The following GALT variants were observed in gnomAD, a reference collection of about 807,000 sequenced individuals.
GALT encodes galactose-1-phosphate uridylyltransferase.
In GALT, 42 loss-of-function variants were observed where a neutral mutation model predicts 55.4. The ratio of observed to expected loss-of-function variants is 0.76; its 90% CI spans 0.59 to 0.98. The LOEUF is 0.98. Among genes scored for constraint, GALT ranks in the 50% least tolerant of loss-of-function variants. GALT has a pLI of 0.00. For missense variants in GALT, 407 were observed against 495.7 expected (o/e 0.82, Z 1.70); for synonymous variants, 154 against 181.5 (o/e 0.85, Z 1.22).
Position 34,647,844 on chromosome 9 carries a change from C to T in GALT, c.390C>T (p.Cys130=), listed in dbSNP as rs1410761611. The change falls in exon 5 of 11, where the codon TGC becomes TGT. Residue 130 remains cysteine, a synonymous_variant. Transcript: ENST00000378842. This position sits in a 1 kb window ranked among gnomAD's most constrained non-coding sequence, Gnocchi z 5.6. ...KSARGVCKVM[C]FHPWSDVTLP... Reference sequence around the variant, plus strand: ...CGTCACCACCCAGTAAGGTCATGTGCTTCCACCCCTGGTCGGATGTAACGC... The same window carrying T: ...CGTCACCACCCAGTAAGGTCATGTGTTTCCACCCCTGGTCGGATGTAACGC... 3.3e-5 allele frequency: 54 copies of T among 1,614,096 alleles called. No individual in the cohort carries two copies. The East Asian group carries it at 1.1e-3, about 34-fold the overall frequency.
intron 10 of GALT, 123 bp downstream of exon 10, chr9:34,649,687 G>T: frequency 8.3e-7 from 1 of 1,204,860 alleles, no homozygotes; most frequent in East Asian, 2.4e-5. Flanking sequence ...CTGGCAGGAA[G>T]GGACTGCCAA....
chr9:34,647,638 T>C lies in GALT; in HGVS notation c.329-19T>C, dbSNP rs886042082. 2 of 1,613,800 alleles carry C rather than the reference T, an allele frequency of 1.2e-6. No homozygotes were observed. The highest frequency in any genetic ancestry group is 1.7e-6 in the Non-Finnish European group (2 of 1,179,970). ...CTTGAGGGACTTCTGCTGCAGAGAG[T>C]GATACTCCTTTACCTCAGGACCCAG... On this transcript the variant is annotated intron_variant, in intron 3 of 10. Transcript: ENST00000378842. The surrounding 1 kb of genome is among the most constrained non-coding windows in gnomAD (Gnocchi z 5.6).
At chr9:34,649,674 G>A in intron 10 of GALT, 110 bp downstream of exon 10, 1 of 1,352,412 alleles carries the variant, frequency 7.4e-7, no homozygotes, top group Non-Finnish European at 1.0e-6. Flanking sequence ...GCAGAAAACA[G>A]CTCTGGCAGG....
chr9:34,650,357 T>C lies in GALT; in HGVS notation c.1060-12T>C. ...CCTTATCCTCCTTAATTGCTCCCTG[T>C]CCCTTTTCCAGGCTGCAGAGAGACT... On this transcript the variant is annotated splice_polypyrimidine_tract_variant and intron_variant, in intron 10 of 10. Transcript: ENST00000378842. 3.1e-6 allele frequency: 5 copies of C among 1,610,556 alleles called. No individual in the cohort carries two copies. The highest frequency in any genetic ancestry group is 4.2e-6 in the Non-Finnish European group (5 of 1,177,272).
chr9:34,648,969 C>G lies in GALT; in HGVS notation c.821-29C>G. The G allele has an allele frequency of 6.2e-7, 1 of 1,614,002 alleles. No individual in the cohort carries two copies. The highest frequency in any genetic ancestry group is 8.5e-7 in the Non-Finnish European group (1 of 1,179,910). Reference sequence around the variant, plus strand: ...TCCCAGTAGGGTCAGCATCTGGACCCCAGGCTGAGAGTCAGGCTCTGATTC... The same window carrying G: ...TCCCAGTAGGGTCAGCATCTGGACCGCAGGCTGAGAGTCAGGCTCTGATTC... On this transcript the variant is annotated intron_variant, in intron 8 of 10. Coordinates refer to ENST00000378842, the MANE Select transcript of GALT (RefSeq NM_000155.4). This position sits in a 1 kb window ranked among gnomAD's most constrained non-coding sequence, Gnocchi z 4.9.
At position 34,648,061 on chromosome 9, in the gene GALT, G is replaced by A; in HGVS notation, c.508-54G>A. On this transcript the variant is annotated intron_variant, in intron 5 of 10. Transcript: ENST00000378842. The surrounding 1 kb of genome is among the most constrained non-coding windows in gnomAD (Gnocchi z 4.9). ...CTGTTTCCACAGGGTGTGGTCAGGA[G>A]GGAGTTGACTTGGTGTCTTTTGGCT... 1.2e-6 allele frequency: 2 copies of A among 1,614,172 alleles called. No individual in the cohort carries two copies. Among genetic ancestry groups the A allele is most frequent in the Non-Finnish European group, 1.7e-6 (2 of 1,180,020 alleles).
chr9:34,647,049 T>C lies in GALT; in HGVS notation c.83-40T>C. ...GGGTGAGACCCAGGAGAGAGGGAGCTAGAGAGCTCTGAGGACTGATCTTGA... is the reference window on the plus strand; with the variant it reads ...GGGTGAGACCCAGGAGAGAGGGAGCCAGAGAGCTCTGAGGACTGATCTTGA... On this transcript the variant is annotated intron_variant, in intron 1 of 10. Coordinates refer to ENST00000378842, the MANE Select transcript of GALT (RefSeq NM_000155.4). This position sits in a 1 kb window ranked among gnomAD's most constrained non-coding sequence, Gnocchi z 5.6. The C allele has an allele frequency of 6.2e-7, 1 of 1,613,844 alleles. No homozygotes were observed. Among genetic ancestry groups the C allele is most frequent in the Non-Finnish European group, 8.5e-7 (1 of 1,179,930 alleles).
In GALT at chr9:34,651,014, C is replaced by T. The variant is rs1183167878; in HGVS notation, c.*565C>T. 1 of 158,952 alleles carries T rather than the reference C, an allele frequency of 6.3e-6. No individual in the cohort carries two copies. The highest frequency in any genetic ancestry group is 1.8e-4 in the East Asian group (1 of 5,430). The allele number at this position is 158,952 out of a possible 1,614,324, so 9.8% of individuals were successfully genotyped here. A position where few individuals can be genotyped will look rare whatever the true frequency, so the allele number is the denominator to read the frequency against. ...TGAGTGGCTGCAGCTTGGCTCTGCT[C>T]CAGCCCACAGGGGCTAAAGGGGCGG... On this transcript the variant is annotated 3_prime_UTR_variant, in exon 11 of 11. Transcript: ENST00000378842. The surrounding 1 kb of genome is among the most constrained non-coding windows in gnomAD (Gnocchi z 4.3).
rs111033740 is a variant in GALT, at chr9:34,648,380, G to C, written c.611G>C (p.Arg204Pro). Residue 204 changes from arginine to proline, a missense_variant, in exon 7 of 11, where the codon CGA becomes CCA. Physicochemically the swap from Arg to Pro is moderately radical, Grantham distance 103 (BLOSUM62 -2). Coordinates refer to ENST00000378842, the MANE Select transcript of GALT (RefSeq NM_000155.4). The surrounding 1 kb of genome is among the most constrained non-coding windows in gnomAD (Gnocchi z 4.9). ...CCAGATATTGCCCAGCGTGAGGAGC[G>C]ATCTCAGCAGGCCTATAAGAGTCAG... ...FLPDIAQREE[R>P]SQQAYKSQHG... 6.2e-7 allele frequency: 1 copy of C among 1,614,178 alleles called. No individual in the cohort carries two copies. Among genetic ancestry groups the C allele is most frequent in the Non-Finnish European group, 8.5e-7 (1 of 1,180,040 alleles).
At chr9:34,649,302 T>C in intron 9 of GALT, 108 bp from the exon 10 acceptor site, 1 of 1,462,982 alleles carries the variant, frequency 6.8e-7, no homozygotes, top group Non-Finnish European at 9.5e-7. Context: ...AAGCAGGGGA[T>C]CCTGGGAGAT....
At chr9:34,650,173 C>T (rs1821218764) in intron 10 of GALT, 196 bp from the exon 11 acceptor site, 1 of 590,898 alleles carries the variant, frequency 1.7e-6, no homozygotes, top group African/African-American at 1.9e-5. Flanking sequence ...GTCCCAGATA[C>T]TTGGGAGGCT....
intron 9 of GALT, 29 bp downstream of exon 9, chr9:34,649,110 C>T (rs774394717): frequency 1.9e-6 from 3 of 1,597,420 alleles, no homozygotes; most frequent in East Asian, 2.2e-5. Flanking sequence ...CTATATTTAG[C>T]CCCAACACCA....
rs1133894 is a variant in GALT, at chr9:34,650,382, T to C, written c.1073T>C (p.Leu358Pro). The C allele has an allele frequency of 6.2e-7, 1 of 1,613,246 alleles. No homozygotes were observed. The highest frequency in any genetic ancestry group is 8.5e-7 in the Non-Finnish European group (1 of 1,179,712). ...TCCCTTTTCCAGGCTGCAGAGAGAC[T>C]AAGGGCACTTCCTGAGGTTCATTAC... ...DLTPEQAAER[L>P]RALPEVHYHL... The change falls in exon 11 of 11, where the codon CTA becomes CCA. Residue 358 changes from leucine (L) to proline (P), a missense_variant. Physicochemically the swap from Leu to Pro is moderately conservative, Grantham distance 98. Coordinates refer to ENST00000378842, the MANE Select transcript of GALT (RefSeq NM_000155.4).
At chr9:34,649,183 GT>G in intron 9 of GALT, 102 bp downstream of exon 9, 1 of 1,343,000 alleles carries the variant, frequency 7.4e-7, no homozygotes. Context: ...CCTTGAAACA[GT>G]TGCTGGGGGA....
Position 34,647,099 on chromosome 9 carries a change from T to C in GALT, c.93T>C (p.His31=). The C allele has an allele frequency of 6.2e-7, 1 of 1,614,158 alleles. No individual in the cohort carries two copies. Among genetic ancestry groups the C allele is most frequent in the South Asian group, 1.1e-5 (1 of 91,086 alleles). ...AATFRANDHQ[H]IRYNPLQDEW... ...ACTGTCTGCCCCCAGACCATCAGCA[T>C]ATCCGCTACAACCCGCTGCAGGATG... Residue 31 remains histidine (H), a synonymous_variant, in exon 2 of 11, where the codon CAT becomes CAC. Coordinates refer to ENST00000378842, the MANE Select transcript of GALT (RefSeq NM_000155.4). The surrounding 1 kb of genome is among the most constrained non-coding windows in gnomAD (Gnocchi z 5.6).
At chr9:34,646,941 G>C in intron 1 of GALT, 148 bp from the exon 2 acceptor site, 3 of 1,605,688 alleles carry the variant, frequency 1.9e-6, no homozygotes, top group Non-Finnish European at 2.5e-6. Context: ...AGGCCAATTG[G>C]CGCTGGGAAA....
In GALT at chr9:34,646,786, G is replaced by A. The variant is rs111033636; in HGVS notation, c.82G>A (p.Asp28Asn). 1.2e-6 allele frequency: 2 copies of A among 1,613,524 alleles called. No individual in the cohort carries two copies. The highest frequency in any genetic ancestry group is 1.7e-6 in the Non-Finnish European group (2 of 1,179,976). Residue 28 changes from aspartate (D) to asparagine (N), a missense_variant and splice_region_variant, in exon 1 of 11, where the codon GAC becomes AAC. Physicochemically the swap from Asp to Asn is conservative, Grantham distance 23. Coordinates refer to ENST00000378842, the MANE Select transcript of GALT (RefSeq NM_000155.4). ...CGCAGCAGCAACCTTCCGGGCAAAC[G>A]GTAACTGCACCGCGGCAGGGACTCG... Reference protein sequence around the residue: ...DAAAATFRANDHQHIRYNPLQ... With the variant: ...DAAAATFRANNHQHIRYNPLQ...
At position 34,648,740 on chromosome 9, in the gene GALT, C is replaced by T. The variant is rs759537248; in HGVS notation, c.688-22C>T. 3.1e-6 allele frequency: 5 copies of T among 1,612,280 alleles called. No individual in the cohort carries two copies. The African/African-American group carries it at 6.7e-5, about 22-fold the overall frequency. ...GGCTCCTATGTCACCTTGATGACTTCCTATCCATTCTGTCTTCCTAGGAAC... is the reference window on the plus strand; with the variant it reads ...GGCTCCTATGTCACCTTGATGACTTTCTATCCATTCTGTCTTCCTAGGAAC... On this transcript the variant is annotated intron_variant, in intron 7 of 10. Transcript: ENST00000378842. This position sits in a 1 kb window ranked among gnomAD's most constrained non-coding sequence, Gnocchi z 4.9.
At position 34,648,899 on chromosome 9, in the gene GALT, G is replaced by A. The variant is rs1473388542; in HGVS notation, c.820+5G>A. ...TGACCCCTGCTGAGCGTGATGGTCA[G>A]TCTCCCAAGTAGGATCCTGGGGCTA... On this transcript the variant is annotated splice_donor_5th_base_variant and intron_variant, in intron 8 of 10. Coordinates refer to ENST00000378842, the MANE Select transcript of GALT (RefSeq NM_000155.4). The surrounding 1 kb of genome is among the most constrained non-coding windows in gnomAD (Gnocchi z 4.9). 6.2e-7 allele frequency: 1 copy of A among 1,613,434 alleles called. No individual in the cohort carries two copies. The highest frequency in any genetic ancestry group is 8.5e-7 in the Non-Finnish European group (1 of 1,180,034).
Sources: allele counts gnomAD v4.1 joint callset, GRCh38; gene constraint gnomAD v4.1.1; non-coding constraint Gnocchi (gnomAD v3.1); transcripts MANE v1.5; gene names NCBI Gene and HGNC (gene_info 2026-07-23, HGNC 2026-07-21).